Variants in ADPGK observed in about 807,000 individuals in gnomAD.
ADPGK encodes ADP dependent glucokinase.
Under a neutral mutation model 42.4 loss-of-function variants are expected in ADPGK, and 26 were observed. The observed-to-expected ratio is 0.61, with a 90% CI of 0.45 to 0.85. The LOEUF (loss-of-function observed/expected upper bound fraction) is 0.85. ADPGK is among the 40% of genes least tolerant of loss of function. The pLI is 0.00. For missense variants in ADPGK, 571 were observed against 627.0 expected (o/e 0.91, Z 0.95); for synonymous variants, 267 against 252.6 (o/e 1.06, Z -0.54).
At chr15:72,775,558 A>G (rs2151091021) in intron 1 of ADPGK, among the ~76,000 whole-genome samples, 1 of 152,360 alleles carries the variant, frequency 6.6e-6, no homozygotes, top group South Asian at 2.1e-4. Flanking sequence ...AAGTGAATGT[A>G]TACTTAGGAA....
At chr15:72,783,326 C>G in intron 1 of ADPGK, 133 bp downstream of exon 1, 1 of 1,281,568 alleles carries the variant, frequency 7.8e-7, no homozygotes, top group Non-Finnish European at 9.8e-7. Context: ...ACGTCCGACA[C>G]TTCTCGCCAA....
intron 1 of ADPGK, among the ~76,000 whole-genome samples, chr15:72,781,292 A>G (rs2066455005): frequency 6.6e-6 from 1 of 152,150 alleles, no homozygotes; most frequent in Admixed American, 6.5e-5. Flanking sequence ...ACAAACCTTT[A>G]TGGCTTCCCC....
At chr15:72,754,177 T>C (rs769119649) in intron 6 of ADPGK, among the ~76,000 whole-genome samples, 1 of 151,648 alleles carries the variant, frequency 6.6e-6, no homozygotes, top group Non-Finnish European at 1.5e-5. Flanking sequence ...AACAGAGTAT[T>C]CAAGGATGTG....
chr15:72,770,117 G>A (rs1472850129), intron 3 of ADPGK, among the ~76,000 whole-genome samples: 1 of 152,230 alleles, frequency 6.6e-6, no homozygotes, highest in Admixed American at 6.5e-5. Context: ...TGCATACAGG[G>A]TGAAGTAAAG....
intron 3 of ADPGK, among the ~76,000 whole-genome samples, chr15:72,761,558 T>G (rs748525911): frequency 4.6e-5 from 7 of 152,206 alleles, no homozygotes; most frequent in Non-Finnish European, 7.3e-5. Context: ...ATTTCGTATC[T>G]GTTCCTGCTC....
chr15:72,775,840 T>TTA (rs1566962997), intron 1 of ADPGK, among the ~76,000 whole-genome samples: 1 of 151,668 alleles, frequency 6.6e-6, no homozygotes, highest in African/African-American at 2.4e-5. Context: ...TCGATGGAAA[T>TTA]TATAAAGTAC....
intron 3 of ADPGK, among the ~76,000 whole-genome samples, chr15:72,761,223 A>G (rs1595792782): frequency 6.6e-6 from 1 of 152,026 alleles, no homozygotes; most frequent in Non-Finnish European, 1.5e-5. Flanking sequence ...CCCTACCCCC[A>G]CTTTCTTTAC....
At chr15:72,770,164 A>G (rs1278992611) in intron 3 of ADPGK, among the ~76,000 whole-genome samples, 1 of 152,234 alleles carries the variant, frequency 6.6e-6, no homozygotes, top group Non-Finnish European at 1.5e-5. Flanking sequence ...TCTATCATTT[A>G]CTAGCCAGGT....
At chr15:72,779,536 T>C (rs1363251049) in intron 1 of ADPGK, among the ~76,000 whole-genome samples, 1 of 152,084 alleles carries the variant, frequency 6.6e-6, no homozygotes, top group Non-Finnish European at 1.5e-5. Flanking sequence ...TGAGCCACCA[T>C]GCCTGCCGGG....
At chr15:72,769,455 C>T (rs942791150) in intron 3 of ADPGK, among the ~76,000 whole-genome samples, 3 of 152,190 alleles carry the variant, frequency 2.0e-5, no homozygotes, top group African/African-American at 7.2e-5. Flanking sequence ...GAGCGATTCT[C>T]CTGCCTCAGC....
chr15:72,774,317 T>TAACC (rs925607505), intron 2 of ADPGK, among the ~76,000 whole-genome samples: 3 of 152,006 alleles, frequency 2.0e-5, no homozygotes, highest in Non-Finnish European at 4.4e-5. Flanking sequence ...ACATGGGAGA[T>TAACC]AACCAACCAA....
At chr15:72,758,352 C>T (rs2066143361) in intron 4 of ADPGK, 1 of 613,512 alleles carries the variant, frequency 1.6e-6, no homozygotes, top group South Asian at 1.8e-5. Context: ...AGCAAAACCT[C>T]TGCGTAGTGA....
At chr15:72,782,527 C>A (rs371329634) in intron 1 of ADPGK, among the ~76,000 whole-genome samples, 130 of 61,252 alleles carry the variant, frequency 2.1e-3, no homozygotes, top group East Asian at 3.6e-3. Context: ...ACCCTGTGTC[C>A]AAAAAAAAAA....
Position 72,756,503 on chromosome 15 carries a change from A to T in ADPGK, c.644-56T>A, listed in dbSNP as rs2066117130. On this transcript the variant is annotated intron_variant, in intron 4 of 6. Coordinates refer to ENST00000456471, the MANE Select transcript of ADPGK (RefSeq NM_001365225.1). ...AAAAGGAAGAGGCTTTAGGTCTCCT[A>T]GCTGTGGGGGCACTTTCAGGCACCT... is the stretch of plus-strand genomic sequence containing the variant. 14 of 1,587,422 alleles carry T rather than the reference A, an allele frequency of 8.8e-6. 1 individual carries two copies. The South Asian group carries it at 1.4e-4, about 15-fold the overall frequency.
intron 3 of ADPGK, among the ~76,000 whole-genome samples, chr15:72,769,968 T>TA: frequency 6.6e-6 from 1 of 152,334 alleles, no homozygotes; most frequent in South Asian, 2.1e-4. Context: ...TGGTATATGG[T>TA]AAAAAACTAT....
At chr15:72,766,711 G>GTTTGTTAAC (rs2066265447) in intron 3 of ADPGK, among the ~76,000 whole-genome samples, 1 of 152,158 alleles carries the variant, frequency 6.6e-6, no homozygotes, top group South Asian at 2.1e-4. Flanking sequence ...CAGTATCTCT[G>GTTTGTTAAC]AGGTATGCCT....
In ADPGK at chr15:72,783,506, G is replaced by A; in HGVS notation, c.186C>T (p.Asp62=). 1 of 1,467,794 alleles carries A rather than the reference G, an allele frequency of 6.8e-7. No individual in the cohort carries two copies. The allele number at this position is 1,467,794 out of a possible 1,614,324, so 90.9% of individuals were successfully genotyped here. The change falls in exon 1 of 7, where the codon GAC becomes GAT. Residue 62 remains aspartate, a synonymous_variant. Coordinates refer to ENST00000456471, the MANE Select transcript of ADPGK (RefSeq NM_001365225.1). ...SPEGRLAAAW[D]ALIVRPVRRW... The stretch of plus-strand genomic sequence containing the variant: ...GCCGGACTGGCCGCACGATAAGCGC[G>A]TCCCAGGCTGCCGCCAACCGGCCCT...
chr15:72,754,898 C>T (rs1310731213), intron 6 of ADPGK, among the ~76,000 whole-genome samples: 2 of 152,136 alleles, frequency 1.3e-5, no homozygotes, highest in Non-Finnish European at 2.9e-5. Context: ...CAAAAGAACT[C>T]TGGAAATAAA....
At chr15:72,755,444 T>A in intron 6 of ADPGK, 112 bp downstream of exon 6, 1 of 750,372 alleles carries the variant, frequency 1.3e-6, no homozygotes, top group Non-Finnish European at 2.2e-6. Flanking sequence ...GACACAAACC[T>A]ACATGTCAGT....
Sources: gnomAD v4.1 joint callset for allele counts (sites outside exome capture counted in the v4.1 genomes callset) on GRCh38, gnomAD v4.1.1 for gene constraint, MANE v1.5 for transcripts, NCBI Gene and HGNC (gene_info 2026-07-23, HGNC 2026-07-21) for gene names.